BPTF: variants seen among roughly 807,000 people sequenced by gnomAD.
BPTF encodes bromodomain PHD finger transcription factor.
A neutral mutation model predicts 292.5 loss-of-function variants in BPTF; 18 were observed. That is an observed-to-expected ratio of 0.06 (90% CI 0.04 to 0.09). BPTF has a LOEUF of 0.09. BPTF is among the 10% of genes least tolerant of loss of function. The probability of loss-of-function intolerance (pLI) is 1.00; values close to 1 mark genes in which losing one functional copy is unlikely to be tolerated. For synonymous variants in BPTF, 1,225 were observed against 1,251.9 expected, an observed-to-expected ratio of 0.98 and a Z score of 0.45; for missense variants, 2,726 against 3,498.7, an observed-to-expected ratio of 0.78 and a Z score of 5.57.
At chr17:67,905,982 T>C (rs145032167) in intron 9 of BPTF, among the ~76,000 whole-genome samples, 89 of 152,212 alleles carry the variant, frequency 5.8e-4, no homozygotes, top group Non-Finnish European at 1.2e-3. Context: ...CACACCAACA[T>C]GGCACATGTA....
At chr17:67,963,545 A>G in intron 24 of BPTF, 1 of 1,364,150 alleles carries the variant, frequency 7.3e-7, no homozygotes, top group Admixed American at 3.1e-5. Flanking sequence ...ATAATTTAGG[A>G]AGCCAAATTG....
At chr17:67,849,196 A>T (rs1228517874) in intron 1 of BPTF, among the ~76,000 whole-genome samples, 1 of 152,128 alleles carries the variant, frequency 6.6e-6, no homozygotes, top group African/African-American at 2.4e-5. Flanking sequence ...AAAAATATAG[A>T]TTACTGAGCT....
Position 67,968,846 on chromosome 17 carries a change from G to T in BPTF, c.8539+2190G>T, listed in dbSNP as rs191766741. Reference sequence around the variant, plus strand: ...TACTATACAAAATTAGCCCGGCGTGGTGGCACATGCCTATAATCCTAGCTG... The same window carrying T: ...TACTATACAAAATTAGCCCGGCGTGTTGGCACATGCCTATAATCCTAGCTG... On this transcript the variant is annotated intron_variant, in intron 26 of 27. Transcript: ENST00000306378. Among the ~76,000 whole-genome samples, 122 of 151,344 alleles carry T rather than the reference G, an allele frequency of 8.1e-4. 5 individuals carry two copies. The Middle Eastern group carries it at 0.014, about 17-fold the overall frequency.
At chr17:67,844,466 C>T (rs1294096147) in intron 1 of BPTF, among the ~76,000 whole-genome samples, 3 of 151,992 alleles carry the variant, frequency 2.0e-5, no homozygotes, top group African/African-American at 7.2e-5. Flanking sequence ...CCAGTATGGT[C>T]TCGATCTCCT....
At chr17:67,831,801 G>C (rs1474987621) in intron 1 of BPTF, among the ~76,000 whole-genome samples, 2 of 152,120 alleles carry the variant, frequency 1.3e-5, no homozygotes, top group Non-Finnish European at 1.5e-5. Context: ...CCTGAGTCCT[G>C]TTTTGCACCT....
chr17:67,872,438 G>A (rs894945767), intron 3 of BPTF, among the ~76,000 whole-genome samples: 9 of 152,132 alleles, frequency 5.9e-5, no homozygotes, highest in Non-Finnish European at 2.9e-5. Flanking sequence ...AAATGGCCGG[G>A]CGTGGTGGCT....
At position 67,959,858 on chromosome 17, in the gene BPTF, G is replaced by A. The variant is rs1251996070; in HGVS notation, c.8244G>A (p.Thr2748=). Residue 2748 remains threonine (T), a synonymous_variant, in exon 24 of 28, where the codon ACG becomes ACA. Transcript: ENST00000306378. ...CAAAGCTTTACTGTATCTGTAAAAC[G>A]CCTTATGATGAATCTAAGTGAGTAG... The part of the protein sequence containing the change: ...KDTKLYCICK[T]PYDESKFYIG... The A allele has an allele frequency of 9.4e-6, 15 of 1,590,606 alleles. No individual in the cohort carries two copies. The highest frequency in any genetic ancestry group is 3.4e-5 in the South Asian group (3 of 87,358).
Position 67,826,056 on chromosome 17 carries a change from TGGCCCGGACCACCGC to T in BPTF, c.341_355del (p.Thr114_Arg118del). ...GGGGGCGGGGGCGGCGGCGGCCACC[TGGCCCGGACCACCGC>T]GGCCCGGAGGGCCGTCAACAAAGTG... On this transcript the variant is annotated inframe_deletion, in exon 1 of 28. Coordinates refer to ENST00000306378, the MANE Select transcript of BPTF (RefSeq NM_182641.4). 1 of 1,205,862 alleles carries T rather than the reference TGGCCCGGACCACCGC, an allele frequency of 8.3e-7. No individual in the cohort carries two copies. The highest frequency in any genetic ancestry group is 1.1e-6 in the Non-Finnish European group (1 of 921,968). The allele number at this position is 1,205,862 out of a possible 1,614,324, so 74.7% of individuals were successfully genotyped here.
intron 13 of BPTF, among the ~76,000 whole-genome samples, chr17:67,920,613 A>G (rs149087269): frequency 3.3e-5 from 5 of 152,370 alleles, no homozygotes; most frequent in African/African-American, 1.2e-4. Context: ...CCAGTACAAT[A>G]GGCACTGGGT....
chr17:67,837,130 C>A (rs1239705557), intron 1 of BPTF, among the ~76,000 whole-genome samples: 1 of 152,048 alleles, frequency 6.6e-6, no homozygotes, highest in Non-Finnish European at 1.5e-5. Flanking sequence ...CATGAAGTGC[C>A]CCCCTTTTTA....
chr17:67,888,411 A>G (rs1321261422), intron 4 of BPTF, among the ~76,000 whole-genome samples: 1 of 151,982 alleles, frequency 6.6e-6, no homozygotes, highest in Non-Finnish European at 1.5e-5. Flanking sequence ...ACATAGTGAA[A>G]CCCTGTCTCT....
intron 4 of BPTF, 45 bp from the exon 5 acceptor site, chr17:67,891,799 T>C (rs2061133816): frequency 7.0e-7 from 1 of 1,432,810 alleles, no homozygotes; most frequent in East Asian, 2.5e-5. Flanking sequence ...GTTATAATTA[T>C]TTACTTATTG....
At position 67,933,145 on chromosome 17, in the gene BPTF, C is replaced by G. The variant is rs143940568; in HGVS notation, c.6259+1126C>G. On this transcript the variant is annotated intron_variant, in intron 18 of 27. Transcript: ENST00000306378. Reference sequence around the variant, plus strand: ...GTGGGCGCCTGTAATCCCAGCTACTCTACTCGGGAGGCTGAGGCAGGAGAG... The same window carrying G: ...GTGGGCGCCTGTAATCCCAGCTACTGTACTCGGGAGGCTGAGGCAGGAGAG... Among the ~76,000 whole-genome samples, 30 of 151,758 alleles carry G rather than the reference C, an allele frequency of 2.0e-4. 1 individual carries two copies. The highest frequency in any genetic ancestry group is 7.3e-4 in the African/African-American group (30 of 41,350).
intron 1 of BPTF, among the ~76,000 whole-genome samples, chr17:67,848,389 G>A (rs2058181424): frequency 6.6e-6 from 1 of 152,070 alleles, no homozygotes; most frequent in African/African-American, 2.4e-5. Context: ...ATGAGCCAGG[G>A]GGCATGAGTA....
chr17:67,918,988 T>C, intron 12 of BPTF, 150 bp downstream of exon 12: 4 of 727,506 alleles, frequency 5.5e-6, no homozygotes, highest in African/African-American at 1.8e-5. Context: ...CTGGCTAACA[T>C]GGTGAAACCC....
intron 19 of BPTF, among the ~76,000 whole-genome samples, chr17:67,941,511 C>A (rs1555671955): frequency 6.6e-6 from 1 of 152,152 alleles, no homozygotes; most frequent in Non-Finnish European, 1.5e-5. Context: ...GAGGTACAGA[C>A]ATAAGGAGAG....
Position 67,945,814 on chromosome 17 carries a change from C to G in BPTF, c.7106C>G (p.Thr2369Ser). The G allele has an allele frequency of 6.2e-7, 1 of 1,614,180 alleles. No homozygotes were observed. Among genetic ancestry groups the G allele is most frequent in the South Asian group, 1.1e-5 (1 of 91,076 alleles). The change falls in exon 21 of 28, where the codon ACT becomes AGT. Residue 2369 changes from threonine to serine, a missense_variant. Coordinates refer to ENST00000306378, the MANE Select transcript of BPTF (RefSeq NM_182641.4). ...CCTGGACAACAATCCCAGGTTCAGA[C>G]TACAACCTCACAACCGATTCCAATT... ...LSPGQQSQVQ[T>S]TTSQPIPIQP...
chr17:67,977,007 C>T (rs565158047), intron 27 of BPTF, among the ~76,000 whole-genome samples: 4 of 152,132 alleles, frequency 2.6e-5, no homozygotes, highest in Admixed American at 6.6e-5. Context: ...TAGATAAAAC[C>T]GACAATCTAT....
chr17:67,826,479 A>G, intron 1 of BPTF, 142 bp downstream of exon 1: 2 of 905,240 alleles, frequency 2.2e-6, no homozygotes, highest in South Asian at 5.5e-5. Context: ...GCGACGGCAC[A>G]TCAAGTGGCA....
Sources: allele counts gnomAD v4.1 joint callset (sites outside exome capture counted in the v4.1 genomes callset), GRCh38; gene constraint gnomAD v4.1.1; transcripts MANE v1.5; gene names NCBI Gene and HGNC (gene_info 2026-07-23, HGNC 2026-07-21).